The following ZNF732 variants were observed in gnomAD, a reference collection of about 807,000 sequenced individuals.
The protein encoded by ZNF732 is zinc finger protein LOC654254.
Under a neutral mutation model 11.5 loss-of-function variants are expected in ZNF732, and 12 were observed. The ratio of observed to expected loss-of-function variants is 1.05; its 90% CI spans 0.67 to 1.70. ZNF732 has a LOEUF of 1.70. Ranked by LOEUF, ZNF732 falls within the 40% of genes most tolerant of loss-of-function variation. ZNF732 has a pLI of 0.00. For synonymous variants in ZNF732, 231 were observed against 236.5 expected (o/e 0.98, Z 0.21); for missense variants, 702 against 676.9 (o/e 1.04, Z -0.41).
At chr4:295,773 T>C (rs1719938258) in intron 2 of ZNF732, among the ~76,000 whole-genome samples, 1 of 152,192 alleles carries the variant, frequency 6.6e-6, no homozygotes, top group Non-Finnish European at 1.5e-5. Context: ...TGGGAAACAA[T>C]AATTTATGTC....
intron 3 of ZNF732, among the ~76,000 whole-genome samples, chr4:285,843 C>T (rs1553840540): frequency 6.6e-6 from 1 of 152,164 alleles, no homozygotes; most frequent in Non-Finnish European, 1.5e-5. Flanking sequence ...AGGGTTCAAG[C>T]GATCCTTCTG....
At chr4:272,694 A>T in intron 3 of ZNF732, 64 bp from the exon 4 acceptor site, 2 of 1,361,978 alleles carry the variant, frequency 1.5e-6, no homozygotes, top group Non-Finnish European at 1.9e-6. Context: ...TTAAAAATCT[A>T]ATATATAAAC....
chr4:283,549 T>C (rs1719659374), intron 3 of ZNF732, among the ~76,000 whole-genome samples: 1 of 150,894 alleles, frequency 6.6e-6, no homozygotes, highest in Non-Finnish European at 1.5e-5. Context: ...GATAAGAGGC[T>C]AATCTGTCAA....
chr4:284,036 G>A (rs1456158693), intron 3 of ZNF732, among the ~76,000 whole-genome samples: 1 of 151,882 alleles, frequency 6.6e-6, no homozygotes, highest in African/African-American at 2.4e-5. Flanking sequence ...TCAGCCTCCT[G>A]AGTAGCTGGG....
At chr4:272,729 G>A (rs1277024442) in intron 3 of ZNF732, 99 bp from the exon 4 acceptor site, 4 of 1,159,774 alleles carry the variant, frequency 3.4e-6, no homozygotes, top group East Asian at 2.7e-5. Context: ...TTAGTAAGAT[G>A]GCATAACAAA....
At chr4:274,372 A>G (rs1478737994) in intron 3 of ZNF732, among the ~76,000 whole-genome samples, 1 of 151,650 alleles carries the variant, frequency 6.6e-6, no homozygotes, top group African/African-American at 2.4e-5. Context: ...TACCAGAAAA[A>G]AAGTATCTGT....
chr4:272,637 GAAATAA>G lies in ZNF732; in HGVS notation c.227-13_227-8del. On this transcript the variant is annotated splice_region_variant and splice_polypyrimidine_tract_variant and intron_variant, in intron 3 of 3. Transcript: ENST00000419098. ...GTGAAATGAGAACACACAGCTGAAA[GAAATAA>G]AAATAAATTATCCTGCTTACTAGAT... 6.7e-7 allele frequency: 1 copy of G among 1,487,166 alleles called. No homozygotes were observed. The highest frequency in any genetic ancestry group is 8.9e-7 in the Non-Finnish European group (1 of 1,119,900). 92.1% of individuals were successfully genotyped at this position (1,487,166 alleles called of 1,614,324 possible). A position where few individuals can be genotyped will look rare whatever the true frequency, so the allele number is the denominator to read the frequency against.
chr4:272,848 AAG>A (rs1719418324), intron 3 of ZNF732, among the ~76,000 whole-genome samples: 1 of 152,138 alleles, frequency 6.6e-6, no homozygotes, highest in Non-Finnish European at 1.5e-5. Context: ...TGCCTCAGGT[AAG>A]CACAATGCCA....
intron 1 of ZNF732, among the ~76,000 whole-genome samples, chr4:302,255 A>G (rs1190618933): frequency 2.6e-5 from 4 of 152,188 alleles, no homozygotes; most frequent in Admixed American, 6.5e-5. Flanking sequence ...TGTGAGGAAA[A>G]ATATAACTAA....
Position 296,015 on chromosome 4 carries a change from G to C in ZNF732, c.130+14C>G. 6.2e-7 allele frequency: 1 copy of C among 1,606,896 alleles called. No individual in the cohort carries two copies. Among genetic ancestry groups the C allele is most frequent in the Non-Finnish European group, 8.5e-7 (1 of 1,178,420 alleles). On this transcript the variant is annotated intron_variant, in intron 2 of 3. Coordinates refer to ENST00000419098, the MANE Select transcript of ZNF732 (RefSeq NM_001137608.3). ...GAGGGAGTATTAGGAATTATTTACT[G>C]AAGTTATCCTCACCCAGGGAGATCA...
At chr4:280,086 A>AAT (rs1553839500) in intron 3 of ZNF732, among the ~76,000 whole-genome samples, 3 of 151,766 alleles carry the variant, frequency 2.0e-5, no homozygotes, top group African/African-American at 7.3e-5. Context: ...TTAAAAACAA[A>AAT]AAATAATTGA....
chr4:292,747 C>G (rs1436578962), intron 3 of ZNF732, among the ~76,000 whole-genome samples: 1 of 150,858 alleles, frequency 6.6e-6, no homozygotes, highest in Non-Finnish European at 1.5e-5. Context: ...ATAAAGTCAT[C>G]ATAAAAAACA....
At chr4:278,214 T>C (rs1719541160) in intron 3 of ZNF732, among the ~76,000 whole-genome samples, 1 of 152,190 alleles carries the variant, frequency 6.6e-6, no homozygotes, top group African/African-American at 2.4e-5. Context: ...ACAATAACTT[T>C]TTGAATACAA....
chr4:271,555 A>C lies in ZNF732; in HGVS notation c.1302T>G (p.Asn434Lys), dbSNP rs552986944. The C allele has an allele frequency of 6.5e-5, 104 of 1,611,968 alleles. 3 individuals carry two copies. In the South Asian group the frequency reaches 1.0e-3, roughly 16 times the overall value. The part of the protein sequence containing the change: ...GKAFGWSTDL[N>K]KHKIIHTGEK... ...CTCCAGTATGAATTATCTTATGTTT[A>C]TTCAGGTCTGTGGACCATCCAAAGG... The change falls in exon 4 of 4, where the codon AAT becomes AAG. Residue 434 changes from asparagine to lysine, a missense_variant. Physicochemically the swap from Asn to Lys is moderately conservative, Grantham distance 94. Around this residue, in one of 3 missense-constraint regions of ZNF732, gnomAD observed 596 missense variants for 557.9 expected, o/e 1.07. Coordinates refer to ENST00000419098, the MANE Select transcript of ZNF732 (RefSeq NM_001137608.3).
intron 3 of ZNF732, among the ~76,000 whole-genome samples, chr4:286,694 C>T (rs1719738547): frequency 6.6e-6 from 1 of 151,960 alleles, no homozygotes. Context: ...CAAAACAACT[C>T]TTTTTTTAAC....
rs1553837825 is a variant in ZNF732 at position 272,205 on chromosome 4, T to C, written c.652A>G (p.Thr218Ala). ...LIFNEYEIIH[T>A]GEKPFTCEEC... The stretch of plus-strand genomic sequence containing the variant: ...TCACATGTGAAGGGTTTCTCTCCAG[T>C]ATGAATTATCTCATATTCATTAAAG... The change falls in exon 4 of 4, where the codon ACT becomes GCT. Residue 218 changes from threonine to alanine, a missense_variant. Transcript: ENST00000419098. 6.2e-7 allele frequency: 1 copy of C among 1,612,986 alleles called. No individual in the cohort carries two copies. The highest frequency in any genetic ancestry group is 8.5e-7 in the Non-Finnish European group (1 of 1,179,420).
At chr4:280,294 G>GAA (rs59901961) in intron 3 of ZNF732, among the ~76,000 whole-genome samples, 3,686 of 142,646 alleles carry the variant, frequency 0.026, 74 homozygotes, top group East Asian at 0.044. Flanking sequence ...ACAGCAGTAA[G>GAA]AAAAAAAAAA....
At position 271,663 on chromosome 4, in the gene ZNF732, G is replaced by C. The variant is rs148243748; in HGVS notation, c.1194C>G (p.Ala398=). Residue 398 remains alanine (A), a synonymous_variant, in exon 4 of 4, where the codon GCC becomes GCG. Coordinates refer to ENST00000419098, the MANE Select transcript of ZNF732 (RefSeq NM_001137608.3). ...KPYTCEECGK[A]FSRFTTLNEH... is the part of the protein sequence containing the mutation. ...CATTAAGGGTTGTGAACCGACTAAA[G>C]GCTTTTCCACATTCTTCACATGTGT... 1,257 of 1,611,196 alleles carry C rather than the reference G, an allele frequency of 7.8e-4. 9 individuals carry two copies. In the African/African-American group the frequency reaches 0.015, roughly 19 times the overall value.
intron 3 of ZNF732, among the ~76,000 whole-genome samples, chr4:294,355 C>G (rs1719903272): frequency 6.6e-6 from 1 of 152,182 alleles, no homozygotes. Context: ...AAGAATCTAT[C>G]AACAATGTAA....
Sources: gnomAD v4.1 joint callset for allele counts (sites outside exome capture counted in the v4.1 genomes callset) on GRCh38, gnomAD v4.1.1 for gene constraint, gnomAD v4.1.1 regional missense constraint, MANE v1.5 for transcripts, NCBI Gene and HGNC (gene_info 2026-07-23, HGNC 2026-07-21) for gene names.